The following WDFY3 variants were observed in gnomAD, a reference collection of about 807,000 sequenced individuals.
WDFY3 encodes the protein WD repeat and FYVE domain containing 3, also known as WD repeat and FYVE domain-containing protein 3.
Under a neutral mutation model 409.6 loss-of-function variants are expected in WDFY3, and 66 were observed. The ratio of observed to expected loss-of-function variants is 0.16; its 90% confidence interval spans 0.13 to 0.20. WDFY3 has a LOEUF of 0.20. Among genes scored for constraint, WDFY3 ranks in the 10% least tolerant of loss-of-function variants. The probability of loss-of-function intolerance (pLI) is 1.00; values close to 1 mark genes in which losing one functional copy is unlikely to be tolerated. For missense variants in WDFY3, 3,031 were observed against 4,298.1 expected, an observed-to-expected ratio of 0.71 and a Z score of 8.24; for synonymous variants, 1,521 against 1,537.1, an observed-to-expected ratio of 0.99 and a Z score of 0.25.
In WDFY3 at chr4:84,672,640, T is replaced by C; in HGVS notation, c.*228A>G. The C allele has an allele frequency of 2.6e-6, 1 of 380,750 alleles. No individual in the cohort carries two copies. Among genetic ancestry groups the C allele is most frequent in the Middle Eastern group, 7.7e-4 (1 of 1,296 alleles). 23.6% of individuals were successfully genotyped at this position (380,750 alleles called of 1,614,324 possible). On this transcript the variant is annotated 3_prime_UTR_variant, in exon 68 of 68. Transcript: ENST00000295888. ...GAGAACTGGAGGTCGAAAGTGTTGC[T>C]CCTAGGAACCACCTCATATTCTTCT...
chr4:84,946,255 T>TA (rs1200123571), intron 1 of WDFY3, among the ~76,000 whole-genome samples: 2 of 152,180 alleles, frequency 1.3e-5, no homozygotes, highest in African/African-American at 4.8e-5. Flanking sequence ...TGCTCAGATG[T>TA]AAAACTAAGG....
At chr4:84,853,724 G>A (rs766951691) in intron 4 of WDFY3, among the ~76,000 whole-genome samples, 5 of 152,138 alleles carry the variant, frequency 3.3e-5, no homozygotes, top group Middle Eastern at 3.2e-3. Flanking sequence ...GATGTTTACT[G>A]CTTTATTTCC....
At chr4:84,788,767 C>G (rs1352735563) in intron 22 of WDFY3, among the ~76,000 whole-genome samples, 1 of 152,202 alleles carries the variant, frequency 6.6e-6, no homozygotes, top group East Asian at 1.9e-4. Flanking sequence ...CTGGCTATAT[C>G]CCAGCATTTT....
At chr4:84,681,658 A>C (rs1420342909) in intron 64 of WDFY3, among the ~76,000 whole-genome samples, 3 of 152,094 alleles carry the variant, frequency 2.0e-5, no homozygotes, top group African/African-American at 4.8e-5. Context: ...ATGGAGAAAC[A>C]ATCTGAAGGT....
chr4:84,949,416 A>C (rs1166513154), intron 1 of WDFY3, among the ~76,000 whole-genome samples: 1 of 152,228 alleles, frequency 6.6e-6, no homozygotes, highest in Non-Finnish European at 1.5e-5. Flanking sequence ...AGGAGAAATG[A>C]CAATGACTAC....
At chr4:84,911,470 G>A (rs1421059631) in intron 2 of WDFY3, among the ~76,000 whole-genome samples, 1 of 152,202 alleles carries the variant, frequency 6.6e-6, no homozygotes, top group Non-Finnish European at 1.5e-5. Flanking sequence ...CTGGGTGACA[G>A]AGTGAGACCC....
chr4:84,836,841 A>G (rs985557195), intron 7 of WDFY3, 88 bp downstream of exon 7: 22 of 1,197,664 alleles, frequency 1.8e-5, no homozygotes, highest in Non-Finnish European at 2.3e-5. Context: ...ATATGAGTTA[A>G]AAAATGGAAT....
chr4:84,831,481 C>T lies in WDFY3; in HGVS notation c.701G>A (p.Ser234Asn). 6.2e-7 allele frequency: 1 copy of T among 1,614,064 alleles called. No homozygotes were observed. Among genetic ancestry groups the T allele is most frequent in the African/African-American group, 1.3e-5 (1 of 75,056 alleles). The change falls in exon 8 of 68, where the codon AGT (serine) becomes AAT (asparagine). Residue 234 changes from serine (S) to asparagine (N), a missense_variant. Physicochemically the swap from Ser to Asn is conservative, Grantham distance 46. This residue lies in a region of WDFY3 where 1,322 missense variants were observed against 1,697.9 expected (regional missense o/e 0.78). Transcript: ENST00000295888. ...CPPYNLPWRK[S>N]AGEVLMTISR... ...TATGGTCATGAGGACTTCTCCAGCA[C>T]TCTTTCTCCAAGGCAGGTTATAGGG...
At position 84,913,388 on chromosome 4, in the gene WDFY3, C is replaced by T. The variant is rs998575589; in HGVS notation, c.-131-16378G>A. On this transcript the variant is annotated intron_variant, in intron 2 of 67. Transcript: ENST00000295888. ...TGTTCCCAGATGTTGTGCACGATTT[C>T]GTAAGATGTATGATAGAGCTGATCA... Among the ~76,000 whole-genome samples the T allele has an allele frequency of 6.6e-5, 10 of 152,198 alleles. 1 individual carries two copies. The highest frequency in any genetic ancestry group is 3.3e-4 in the Admixed American group (5 of 15,284).
intron 51 of WDFY3, among the ~76,000 whole-genome samples, chr4:84,710,720 T>C (rs1194115816): frequency 1.3e-5 from 2 of 152,218 alleles, no homozygotes; most frequent in African/African-American, 4.8e-5. Flanking sequence ...CTCTGAGCTC[T>C]TTAAAGTTCT....
At chr4:84,723,627 A>G (rs1307309981) in intron 46 of WDFY3, among the ~76,000 whole-genome samples, 2 of 148,136 alleles carry the variant, frequency 1.4e-5, no homozygotes, top group Non-Finnish European at 2.9e-5. Context: ...TAAAGTGAGA[A>G]AAAAAATCTG....
intron 4 of WDFY3, among the ~76,000 whole-genome samples, chr4:84,856,745 T>C (rs1209070080): frequency 2.0e-5 from 3 of 152,168 alleles, no homozygotes; most frequent in Non-Finnish European, 2.9e-5. Context: ...TGTAGCTAGA[T>C]GTCCATGTCT....
intron 2 of WDFY3, among the ~76,000 whole-genome samples, chr4:84,919,839 G>A (rs996854139): frequency 5.3e-5 from 8 of 152,018 alleles, no homozygotes; most frequent in South Asian, 2.1e-4. Context: ...TCATTGCAGC[G>A]TGAGAATGAA....
intron 44 of WDFY3, 105 bp from the exon 45 acceptor site, chr4:84,727,016 T>G: frequency 9.9e-7 from 1 of 1,009,420 alleles, no homozygotes; most frequent in Non-Finnish European, 1.5e-6. Context: ...AAAGATGTAG[T>G]TACTCAAACA....
chr4:84,915,218 T>A (rs898655166), intron 2 of WDFY3, among the ~76,000 whole-genome samples: 5 of 152,196 alleles, frequency 3.3e-5, no homozygotes, highest in African/African-American at 1.2e-4. Flanking sequence ...AGCTTCTGTT[T>A]CAGATGATGA....
At chr4:84,764,653 A>G (rs1743295282) in intron 32 of WDFY3, among the ~76,000 whole-genome samples, 1 of 152,002 alleles carries the variant, frequency 6.6e-6, no homozygotes, top group South Asian at 2.1e-4. Flanking sequence ...CGAGGTCAGG[A>G]GATCGAGACC....
chr4:84,850,473 T>C (rs575295869), intron 4 of WDFY3, among the ~76,000 whole-genome samples: 2 of 152,134 alleles, frequency 1.3e-5, no homozygotes, highest in African/African-American at 2.4e-5. Context: ...CATGCCATCA[T>C]GCCTGGCTAA....
chr4:84,788,822 C>A (rs545308048), intron 22 of WDFY3, among the ~76,000 whole-genome samples: 15 of 152,104 alleles, frequency 9.9e-5, no homozygotes, highest in Non-Finnish European at 2.1e-4. Flanking sequence ...GAGTTTGAGA[C>A]CAGCCTGGCC....
chr4:84,698,661 C>G (rs1045895173), intron 56 of WDFY3, among the ~76,000 whole-genome samples: 1 of 151,402 alleles, frequency 6.6e-6, no homozygotes, highest in Non-Finnish European at 1.5e-5. Context: ...TATCTCATAG[C>G]AAGGGGAAAA....
Sources: allele counts gnomAD v4.1 joint callset (sites outside exome capture counted in the v4.1 genomes callset), GRCh38; gene constraint gnomAD v4.1.1; regional missense constraint gnomAD v4.1.1; transcripts MANE v1.5; gene names NCBI Gene and HGNC (gene_info 2026-07-23, HGNC 2026-07-21).